GPLD1: variants seen among roughly 807,000 people sequenced by gnomAD.
GPLD1 encodes the protein glycosylphosphatidylinositol specific phospholipase D1, also known as phosphatidylinositol-glycan-specific phospholipase D.
A neutral mutation model predicts 112.6 loss-of-function variants in GPLD1; 84 were observed. The ratio of observed to expected loss-of-function variants is 0.75; its 90% confidence interval spans 0.63 to 0.89. GPLD1 has a LOEUF of 0.89. Among genes scored for constraint, GPLD1 ranks in the 40% least tolerant of loss-of-function variants. The pLI is 0.00. For synonymous variants in GPLD1, 386 were observed against 403.8 expected (o/e 0.96, Z 0.53); for missense variants, 1,044 against 1,051.5 (o/e 0.99, Z 0.10).
chr6:24,488,629 G>C (rs200475447), intron 1 of GPLD1, among the ~76,000 whole-genome samples: 5 of 99,134 alleles, frequency 5.0e-5, no homozygotes, highest in African/African-American at 9.4e-5. Context: ...GTAGCTATGT[G>C]GGGGGGGCGG....
At position 24,454,126 on chromosome 6, in the gene GPLD1, G is replaced by A. The variant is rs1062500; in HGVS notation, c.1224C>T (p.Pro408=). The change falls in exon 14 of 25, where the codon CCC becomes CCT. Residue 408 remains proline, a synonymous_variant. Transcript: ENST00000230036. ...ACACGCGCCCGATGTGGATGTGGCC[G>A]GGGCGGCTGTAGCCTGGTGCGCCCA... ...LVVGAPGYSR[P]GHIHIGRVYL... is the part of the protein sequence containing the mutation. 22 of 1,613,856 alleles carry A rather than the reference G, an allele frequency of 1.4e-5. No individual in the cohort carries two copies. Among genetic ancestry groups the A allele is most frequent in the African/African-American group, 1.3e-4 (10 of 74,920 alleles).
At chr6:24,494,204 T>G (rs1764628854), upstream of GPLD1, among the ~76,000 whole-genome samples, 1 of 152,234 alleles carries the variant, frequency 6.6e-6, no homozygotes, top group Non-Finnish European at 1.5e-5. Flanking sequence ...CTATATTGAA[T>G]TTAATGTGGC....
chr6:24,449,691 T>A, intron 15 of GPLD1, 98 bp downstream of exon 15: 6 of 767,396 alleles, frequency 7.8e-6, no homozygotes, highest in Non-Finnish European at 8.9e-6. Flanking sequence ...ACACTGGCTG[T>A]CTGCTTTGCT....
In GPLD1 at chr6:24,465,165, C is replaced by T. The variant is rs190275238; in HGVS notation, c.821+1515G>A. On this transcript the variant is annotated intron_variant, in intron 10 of 24. Transcript: ENST00000230036. ...TGAGCCGAGATCGCACCACTGCACT[C>T]TAGCCTGGGCAACAGAGCAAGACTC... Among the ~76,000 whole-genome samples, 84 of 136,578 alleles carry T rather than the reference C, an allele frequency of 6.2e-4. 2 individuals are homozygous for T. In the East Asian group the frequency reaches 0.016, roughly 26 times the overall value. The allele number at this position is 136,578 out of a possible 152,430, so 89.6% of individuals were successfully genotyped here. A position where few individuals can be genotyped will look rare whatever the true frequency, so the allele number is the denominator to read the frequency against.
At chr6:24,465,314 T>C (rs1421280497) in intron 10 of GPLD1, among the ~76,000 whole-genome samples, 1 of 148,332 alleles carries the variant, frequency 6.7e-6, no homozygotes, top group South Asian at 2.1e-4. Context: ...CTGAGGCGGG[T>C]GGATCACTTG....
chr6:24,449,709 C>T, intron 15 of GPLD1, 80 bp downstream of exon 15: 1 of 886,876 alleles, frequency 1.1e-6, no homozygotes. Flanking sequence ...GCTCCAGGGG[C>T]TCATCCCAGC....
At chr6:24,468,588 C>T (rs965288423) in intron 7 of GPLD1, among the ~76,000 whole-genome samples, 2 of 151,484 alleles carry the variant, frequency 1.3e-5, no homozygotes, top group African/African-American at 4.9e-5. Context: ...GAGTCTCACT[C>T]TGTCACCCAG....
intron 14 of GPLD1, among the ~76,000 whole-genome samples, chr6:24,451,516 T>C (rs977050507): frequency 5.9e-5 from 9 of 152,166 alleles, no homozygotes; most frequent in African/African-American, 2.2e-4. Context: ...TTTTGTATTT[T>C]TAGTAGAGAC....
chr6:24,459,403 A>G (rs1763365284), intron 12 of GPLD1, among the ~76,000 whole-genome samples: 1 of 151,972 alleles, frequency 6.6e-6, no homozygotes, highest in Non-Finnish European at 1.5e-5. Flanking sequence ...ACAAGTGCAC[A>G]CTACCATGCC....
intron 20 of GPLD1, among the ~76,000 whole-genome samples, chr6:24,441,893 C>T (rs1490038959): frequency 6.6e-6 from 1 of 151,462 alleles, no homozygotes; most frequent in Non-Finnish European, 1.5e-5. Flanking sequence ...AAAATCTGAA[C>T]AATTTGGGTG....
At position 24,472,518 on chromosome 6, in the gene GPLD1, G is replaced by GA. The variant is rs1201538026; in HGVS notation, c.545+63dup. The GA allele has an allele frequency of 4.0e-5, 37 of 914,420 alleles. No homozygotes were observed. In the African/African-American group the frequency reaches 6.0e-4, roughly 15 times the overall value. The allele number at this position is 914,420 out of a possible 1,614,324, so 56.6% of individuals were successfully genotyped here. The stretch of plus-strand genomic sequence containing the variant: ...TTATATTGTCAGTTATATTTTCTAA[G>GA]AAAAAAAGTCAAGGCTCTAAATGCC... On this transcript the variant is annotated intron_variant, in intron 7 of 24. Coordinates refer to ENST00000230036, the MANE Select transcript of GPLD1 (RefSeq NM_001503.4).
At chr6:24,451,247 A>G (rs1763071112) in intron 14 of GPLD1, among the ~76,000 whole-genome samples, 1 of 152,126 alleles carries the variant, frequency 6.6e-6, no homozygotes, top group Admixed American at 6.5e-5. Flanking sequence ...TTTTTTCCAA[A>G]GTGGACTTTC....
chr6:24,469,675 G>A (rs1763733434), intron 7 of GPLD1, among the ~76,000 whole-genome samples: 1 of 137,028 alleles, frequency 7.3e-6, no homozygotes, highest in African/African-American at 2.7e-5. Context: ...TATACCTAAT[G>A]CTAGATGACG....
chr6:24,492,104 A>C (rs1214523747), upstream of GPLD1, among the ~76,000 whole-genome samples: 2 of 152,224 alleles, frequency 1.3e-5, no homozygotes, highest in Non-Finnish European at 2.9e-5. Flanking sequence ...CTGGAAATAG[A>C]GACCCAAGGT....
At chr6:24,480,633 G>A (rs1401371353) in intron 2 of GPLD1, among the ~76,000 whole-genome samples, 1 of 150,358 alleles carries the variant, frequency 6.7e-6, no homozygotes, top group African/African-American at 2.5e-5. Context: ...AGTGTAAGAT[G>A]ACGTCCTTTG....
At chr6:24,485,672 C>CTTTTTTTTTTTTTTT (rs372900860) in intron 2 of GPLD1, among the ~76,000 whole-genome samples, 1 of 147,216 alleles carries the variant, frequency 6.8e-6, no homozygotes, top group Non-Finnish European at 1.5e-5. Flanking sequence ...AATAATGAGT[C>CTTTTTTTTTTTTTTT]TCTTTTTTTT....
In GPLD1 at chr6:24,426,197, T is replaced by A. The variant is rs990867736; in HGVS notation, c.*2835A>T. ...AAGATAAATTTCAGTTAAACTTGTA[T>A]AAGTTCAGATTTCTGTTAATGAGAA... On this transcript the variant is annotated 3_prime_UTR_variant, in exon 25 of 25. Coordinates refer to ENST00000230036, the MANE Select transcript of GPLD1 (RefSeq NM_001503.4). 1 of 152,258 alleles carries A rather than the reference T, an allele frequency of 6.6e-6. No individual in the cohort carries two copies. The highest frequency in any genetic ancestry group is 6.5e-5 in the Admixed American group (1 of 15,292). 9.4% of individuals were successfully genotyped at this position (152,258 alleles called of 1,614,324 possible).
chr6:24,435,513 T>C (rs9467146), intron 22 of GPLD1, among the ~76,000 whole-genome samples: 9,965 of 152,120 alleles, frequency 0.066, 758 homozygotes, highest in African/African-American at 0.19. Context: ...TTTTCTAAAA[T>C]TTCCATAATA....
At chr6:24,451,553 G>T (rs1763087778) in intron 14 of GPLD1, among the ~76,000 whole-genome samples, 1 of 152,166 alleles carries the variant, frequency 6.6e-6, no homozygotes, top group Non-Finnish European at 1.5e-5. Flanking sequence ...GATCAGGCTG[G>T]TCTTGATCTC....
Sources: allele counts gnomAD v4.1 joint callset (sites outside exome capture counted in the v4.1 genomes callset), GRCh38; gene constraint gnomAD v4.1.1; transcripts MANE v1.5; gene names NCBI Gene and HGNC (gene_info 2026-07-23, HGNC 2026-07-21).